The following RNF135 variants were observed in gnomAD, a reference collection of about 807,000 sequenced individuals.
RNF135 encodes the protein E3 ubiquitin-protein ligase RNF135.
RNF135 carries 46 observed loss-of-function variants against 41.9 expected under a neutral mutation model. That is an observed-to-expected ratio of 1.10 (90% CI 0.87 to 1.40). RNF135 has a LOEUF of 1.40. RNF135 is among the 40% of genes most tolerant of loss of function. The pLI is 0.00. For synonymous variants in RNF135, 238 were observed against 223.8 expected (o/e 1.06, Z -0.57); for missense variants, 539 against 549.8 (o/e 0.98, Z 0.20).
At chr17:30,983,343 ATATATATATAT>A (rs1392867216) in intron 1 of RNF135, among the ~76,000 whole-genome samples, 49 of 31,778 alleles carry the variant, frequency 1.5e-3, no homozygotes, top group African/African-American at 4.7e-3. Flanking sequence ...ATATATATAT[ATATATATATAT>A]TTTTTTTTTT....
At chr17:30,983,351 ATATTTTT>A (rs1361928598) in intron 1 of RNF135, among the ~76,000 whole-genome samples, 9 of 42,032 alleles carry the variant, frequency 2.1e-4, no homozygotes, top group African/African-American at 8.6e-4. Context: ...ATATATATAT[ATATTTTT>A]TTTTTTTTTT....
chr17:30,966,320 C>A (rs1439700792), upstream of RNF135, among the ~76,000 whole-genome samples: 1 of 147,222 alleles, frequency 6.8e-6, no homozygotes, highest in Non-Finnish European at 1.5e-5. Flanking sequence ...GTGAATACTT[C>A]TTTTTTTATT....
At chr17:30,963,488 C>T in the RNF135 span, among the ~76,000 whole-genome samples, 1 of 151,838 alleles carries the variant, frequency 6.6e-6, no homozygotes, top group African/African-American at 2.4e-5. Flanking sequence ...AGGAGAATGG[C>T]GTGAACCCGG....
chr17:30,967,076 C>T (rs1806092546), upstream of RNF135, among the ~76,000 whole-genome samples: 1 of 151,970 alleles, frequency 6.6e-6, no homozygotes, highest in African/African-American at 2.4e-5. Flanking sequence ...GCTCTGTTGC[C>T]CAGACTGGAG....
At chr17:30,983,342 TATATATATA>T (rs1367919351) in intron 1 of RNF135, among the ~76,000 whole-genome samples, 110 of 38,008 alleles carry the variant, frequency 2.9e-3, no homozygotes, top group African/African-American at 6.7e-3. Context: ...TATATATATA[TATATATATA>T]TATTTTTTTT....
At chr17:30,962,257 C>G in the RNF135 span, among the ~76,000 whole-genome samples, 1 of 151,864 alleles carries the variant, frequency 6.6e-6, no homozygotes, top group Admixed American at 6.6e-5. Flanking sequence ...CTCTGCCTCC[C>G]AAGTAGCTGG....
rs559407143 is a variant in RNF135 at position 30,988,878 on chromosome 17, C to T, written c.679+772C>T. On this transcript the variant is annotated intron_variant, in intron 3 of 4. Transcript: ENST00000328381. ...CCAGAATTACAGGCGTGCGCCACCA[C>T]GCCTGGCTAATTTTTGCGTTGGTTT... Among the ~76,000 whole-genome samples, 157 of 146,632 alleles carry T rather than the reference C, an allele frequency of 1.1e-3. 1 individual carries two copies. The highest frequency in any genetic ancestry group is 3.6e-3 in the Admixed American group (53 of 14,780).
chr17:30,969,728 C>CT (rs951794107), upstream of RNF135, among the ~76,000 whole-genome samples: 7 of 147,996 alleles, frequency 4.7e-5, no homozygotes, highest in African/African-American at 1.2e-4. Context: ...ACCACAAACG[C>CT]TTTTTTTTCT....
At position 30,971,101 on chromosome 17, in the gene RNF135, G is replaced by A. The variant is rs1215616020; in HGVS notation, c.28G>A (p.Val10Ile). Residue 10 changes from valine to isoleucine, a missense_variant, in exon 1 of 5, where the codon GTT becomes ATT. Val to Ile is a conservative substitution (Grantham distance 29). Transcript: ENST00000328381. ...GGCGGGCCTGGGCCTGGGCTCCGCC[G>A]TTCCCGTGTGGCTGGCCGAGGACGA... Reference protein sequence around the residue: MAGLGLGSAVPVWLAEDDLG... With the variant: MAGLGLGSAIPVWLAEDDLG... The A allele has an allele frequency of 2.6e-6, 4 of 1,534,314 alleles. No individual in the cohort carries two copies. Among genetic ancestry groups the A allele is most frequent in the Non-Finnish European group, 3.5e-6 (4 of 1,146,112 alleles).
In RNF135 at chr17:30,983,346, TA is replaced by T. The variant is rs59463305; in HGVS notation, c.373-1270del. Among the ~76,000 whole-genome samples, 45 of 34,542 alleles carry T rather than the reference TA, an allele frequency of 1.3e-3. 1 individual carries two copies. The highest frequency in any genetic ancestry group is 3.0e-3 in the South Asian group (3 of 1,004). The allele number at this position is 34,542 out of a possible 152,430, so 22.7% of individuals were successfully genotyped here. A position where few individuals can be genotyped will look rare whatever the true frequency, so the allele number is the denominator to read the frequency against. ...ATATATATATATATATATATATATATATATATATTTTTTTTTTTTTTTTTTG... is the reference window on the plus strand; with the variant it reads ...ATATATATATATATATATATATATATTATATATTTTTTTTTTTTTTTTTTG... On this transcript the variant is annotated intron_variant, in intron 1 of 4. Coordinates refer to ENST00000328381, the MANE Select transcript of RNF135 (RefSeq NM_032322.4).
In RNF135 at chr17:30,971,289, G is replaced by A. The variant is rs1221839172; in HGVS notation, c.216G>A (p.Leu72=). The change falls in exon 1 of 5, where the codon CTG becomes CTA. Residue 72 remains leucine, a synonymous_variant. Coordinates refer to ENST00000328381, the MANE Select transcript of RNF135 (RefSeq NM_032322.4). ...CRQGAAQQPH[L]RKNTLLQDLA... ...AGGGCGCCGCGCAGCAGCCGCACCT[G>A]CGGAAGAACACGCTACTGCAGGACC... is the stretch of plus-strand genomic sequence containing the variant. 1.3e-6 allele frequency: 2 copies of A among 1,528,284 alleles called. No homozygotes were observed. Among genetic ancestry groups the A allele is most frequent in the Admixed American group, 4.0e-5 (2 of 49,830 alleles). 94.7% of individuals were successfully genotyped at this position (1,528,284 alleles called of 1,614,324 possible).
intron 1 of RNF135, among the ~76,000 whole-genome samples, chr17:30,982,569 G>A (rs563629689): frequency 3.9e-5 from 6 of 152,146 alleles, no homozygotes; most frequent in African/African-American, 1.2e-4. Context: ...GTTAAAACCA[G>A]GTACTGTAAG....
At chr17:30,966,741 G>A (rs1021242927), upstream of RNF135, among the ~76,000 whole-genome samples, 21 of 150,714 alleles carry the variant, frequency 1.4e-4, no homozygotes, top group African/African-American at 4.9e-4. Flanking sequence ...TCTTGACCTC[G>A]TGATCCACAC....
upstream of RNF135, among the ~76,000 whole-genome samples, chr17:30,966,395 TA>T (rs1368295472): frequency 7.0e-3 from 773 of 110,012 alleles, 13 homozygotes; most frequent in African/African-American, 0.11. Flanking sequence ...TTTATTTTAT[TA>T]TTTTTTTATT....
Position 30,971,070 on chromosome 17 carries a change from G to T in RNF135, c.-4G>T. ...GACGTCCGCGCCCCGGCCGCCTGTTGGCCATGGCGGGCCTGGGCCTGGGCT... is the reference window on the plus strand; with the variant it reads ...GACGTCCGCGCCCCGGCCGCCTGTTTGCCATGGCGGGCCTGGGCCTGGGCT... On this transcript the variant is annotated 5_prime_UTR_variant, in exon 1 of 5. Coordinates refer to ENST00000328381, the MANE Select transcript of RNF135 (RefSeq NM_032322.4). 6.5e-7 allele frequency: 1 copy of T among 1,534,160 alleles called. No individual in the cohort carries two copies. Among genetic ancestry groups the T allele is most frequent in the Non-Finnish European group, 8.7e-7 (1 of 1,146,010 alleles).
chr17:30,982,671 A>G (rs1023522004), intron 1 of RNF135, among the ~76,000 whole-genome samples: 4 of 152,088 alleles, frequency 2.6e-5, no homozygotes, highest in Non-Finnish European at 4.4e-5. Flanking sequence ...GGAGCCTTCT[A>G]TTTGGCTATC....
rs1906361887 is a variant in RNF135, at chr17:30,975,463, GC to G, written c.372+4019del. On this transcript the variant is annotated intron_variant, in intron 1 of 4. Coordinates refer to ENST00000328381, the MANE Select transcript of RNF135 (RefSeq NM_032322.4). ...GGAAATGAACTGTGTTCACTGAGAA[GC>G]AACTGGAAGATCTGAACATCTTGTT... 4 of 776,438 alleles carry G rather than the reference GC, an allele frequency of 5.2e-6. No homozygotes were observed. In the Admixed American group the frequency reaches 6.8e-5, roughly 13 times the overall value. The allele number at this position is 776,438 out of a possible 1,614,324, so 48.1% of individuals were successfully genotyped here. A position where few individuals can be genotyped will look rare whatever the true frequency, so the allele number is the denominator to read the frequency against.
At chr17:30,995,673 C>A (rs566943974) in intron 3 of RNF135, among the ~76,000 whole-genome samples, 22 of 152,234 alleles carry the variant, frequency 1.4e-4, no homozygotes, top group African/African-American at 5.3e-4. Context: ...TGGAATCATA[C>A]AGTATTAGTG....
At chr17:30,974,757 G>A (rs997606766) in intron 1 of RNF135, among the ~76,000 whole-genome samples, 5 of 151,674 alleles carry the variant, frequency 3.3e-5, no homozygotes, top group African/African-American at 1.2e-4. Flanking sequence ...TTGGCTCACT[G>A]CAACCTCCAT....
Sources: gnomAD v4.1 joint callset for allele counts (sites outside exome capture counted in the v4.1 genomes callset) on GRCh38, gnomAD v4.1.1 for gene constraint, MANE v1.5 for transcripts, NCBI Gene and HGNC (gene_info 2026-07-23, HGNC 2026-07-21) for gene names.